KITLG: variants seen among roughly 807,000 people sequenced by gnomAD.
KITLG encodes KIT ligand.
KITLG carries 13 observed loss-of-function variants against 34.1 expected under a neutral mutation model. That is an observed-to-expected ratio of 0.38 (90% confidence interval 0.25 to 0.61). The LOEUF (loss-of-function observed/expected upper bound fraction) is 0.61, where lower values mean the gene tolerates loss of function less well. Ranked by LOEUF, KITLG falls within the 20% of genes least tolerant of loss-of-function variation. The probability of loss-of-function intolerance (pLI) is 0.60; values close to 1 mark genes in which losing one functional copy is unlikely to be tolerated. For missense variants in KITLG, 292 were observed against 318.9 expected (o/e 0.92, Z 0.64); for synonymous variants, 110 against 104.0 (o/e 1.06, Z -0.35).
At chr12:88,508,133 G>A (rs547280201) in intron 6 of KITLG, among the ~76,000 whole-genome samples, 4 of 151,914 alleles carry the variant, frequency 2.6e-5, no homozygotes, top group Admixed American at 2.6e-4. Flanking sequence ...GTCGTAATGA[G>A]CCGAGATCAT....
rs573831179 is a variant in KITLG at position 88,499,684 on chromosome 12, G to A, written c.*38-2503C>T. Among the ~76,000 whole-genome samples the A allele has an allele frequency of 1.6e-3, 246 of 152,144 alleles. 1 individual carries two copies. Among genetic ancestry groups the A allele is most frequent in the African/African-American group, 5.4e-3 (224 of 41,510 alleles). ...TTTTCCATTTCCTGTTAATGCCACC[G>A]CACTCTGGTAAGTCCCATAGTCTCC... is the stretch of plus-strand genomic sequence containing the variant. On this transcript the variant is annotated intron_variant, in intron 9 of 9. Coordinates refer to ENST00000644744, the MANE Select transcript of KITLG (RefSeq NM_000899.5).
chr12:88,536,005 A>G (rs1157338633), intron 2 of KITLG, among the ~76,000 whole-genome samples: 1 of 152,164 alleles, frequency 6.6e-6, no homozygotes, highest in Non-Finnish European at 1.5e-5. Context: ...ATAATTTATG[A>G]CTAAGTCCTC....
intron 2 of KITLG, among the ~76,000 whole-genome samples, chr12:88,543,768 C>T (rs961198634): frequency 1.9e-4 from 29 of 152,238 alleles, no homozygotes; most frequent in South Asian, 4.1e-4. Flanking sequence ...AGATAACATA[C>T]ATTAAAAAGT....
At chr12:88,502,769 G>A (rs1186843728) in intron 9 of KITLG, among the ~76,000 whole-genome samples, 1 of 152,152 alleles carries the variant, frequency 6.6e-6, no homozygotes, top group Non-Finnish European at 1.5e-5. Flanking sequence ...CAGGATCCCA[G>A]CAATGCAATC....
At chr12:88,509,649 TG>T (rs1383856423) in intron 6 of KITLG, among the ~76,000 whole-genome samples, 1 of 152,170 alleles carries the variant, frequency 6.6e-6, no homozygotes, top group Admixed American at 6.5e-5. Context: ...AGAGGAGGGT[TG>T]GGGGAAGCGC....
At chr12:88,564,567 G>C (rs550580350) in intron 1 of KITLG, among the ~76,000 whole-genome samples, 1 of 152,218 alleles carries the variant, frequency 6.6e-6, no homozygotes, top group East Asian at 1.9e-4. Context: ...CTACTTCATT[G>C]CTCACCATTT....
At chr12:88,535,114 CTGAGTA>C (rs1182818056) in intron 2 of KITLG, among the ~76,000 whole-genome samples, 32 of 152,008 alleles carry the variant, frequency 2.1e-4, no homozygotes, top group Admixed American at 2.1e-3. Flanking sequence ...AGTGTGGGAT[CTGAGTA>C]TATGTCTAAA....
At chr12:88,520,339 C>G (rs943791073) in intron 3 of KITLG, among the ~76,000 whole-genome samples, 2 of 152,196 alleles carry the variant, frequency 1.3e-5, no homozygotes, top group Non-Finnish European at 2.9e-5. Context: ...AAGTTTCTTT[C>G]CTTTTAGGGA....
chr12:88,539,783 G>T (rs571277657), intron 2 of KITLG, among the ~76,000 whole-genome samples: 5 of 151,928 alleles, frequency 3.3e-5, no homozygotes, highest in Admixed American at 6.6e-5. Context: ...AATTAGTCAG[G>T]TATGGTGGCA....
chr12:88,544,283 C>A (rs1014865212), intron 2 of KITLG, among the ~76,000 whole-genome samples: 2 of 152,150 alleles, frequency 1.3e-5, no homozygotes, highest in African/African-American at 4.8e-5. Context: ...TCAGATCCCG[C>A]TGACATATTA....
intron 2 of KITLG, among the ~76,000 whole-genome samples, chr12:88,540,415 G>A (rs1387652589): frequency 6.6e-6 from 1 of 152,112 alleles, no homozygotes; most frequent in Admixed American, 6.6e-5. Flanking sequence ...GCTAAAAATA[G>A]TTATCTTGTA....
At chr12:88,535,143 T>C (rs1407652555) in intron 2 of KITLG, among the ~76,000 whole-genome samples, 1 of 151,976 alleles carries the variant, frequency 6.6e-6, no homozygotes, top group Non-Finnish European at 1.5e-5. Context: ...GCAAAGAAAA[T>C]GTAAAGAGTA....
At chr12:88,538,597 A>C (rs1336196585) in intron 2 of KITLG, among the ~76,000 whole-genome samples, 1 of 152,102 alleles carries the variant, frequency 6.6e-6, no homozygotes, top group Non-Finnish European at 1.5e-5. Context: ...TTAGAAGACC[A>C]CTAGGAATTT....
chr12:88,509,638 G>A (rs1465770026), intron 6 of KITLG, among the ~76,000 whole-genome samples: 1 of 152,170 alleles, frequency 6.6e-6, no homozygotes, highest in Admixed American at 6.5e-5. Flanking sequence ...GGCGGCAGTG[G>A]AGAGGAGGGT....
intron 6 of KITLG, 116 bp from the exon 7 acceptor site, chr12:88,507,253 A>T: frequency 1.5e-6 from 1 of 669,160 alleles, no homozygotes; most frequent in Non-Finnish European, 2.7e-6. Flanking sequence ...TATCTGTTTA[A>T]AGTATTCAAA....
Position 88,494,460 on chromosome 12 carries a change from A to G in KITLG, c.*2759T>C, listed in dbSNP as rs1452520558. The G allele has an allele frequency of 6.6e-6, 1 of 152,382 alleles. No individual in the cohort carries two copies. Among genetic ancestry groups the G allele is most frequent in the Non-Finnish European group, 1.5e-5 (1 of 67,886 alleles). 9.4% of individuals were successfully genotyped at this position (152,382 alleles called of 1,614,324 possible). The stretch of plus-strand genomic sequence containing the variant: ...TACTAAAACCAATACTTCATTAGGT[A>G]TGCATATTTTTTCATAATTTTCTTT... On this transcript the variant is annotated 3_prime_UTR_variant, in exon 10 of 10. Transcript: ENST00000644744.
chr12:88,519,338 A>G (rs1056399530), intron 3 of KITLG, among the ~76,000 whole-genome samples: 3 of 152,084 alleles, frequency 2.0e-5, no homozygotes, highest in Non-Finnish European at 4.4e-5. Context: ...TATGATTTTA[A>G]TGTGTTATCT....
chr12:88,580,204 G>A, intron 1 of KITLG, 60 bp downstream of exon 1: 1 of 1,561,872 alleles, frequency 6.4e-7, no homozygotes, highest in Non-Finnish European at 8.7e-7. Flanking sequence ...CGGCTTCCCC[G>A]GGGCACCGGG....
chr12:88,504,878 C>G (rs150511143), intron 9 of KITLG, among the ~76,000 whole-genome samples: 4 of 150,002 alleles, frequency 2.7e-5, no homozygotes, highest in African/African-American at 4.9e-5. Context: ...GGACAGAAAA[C>G]CAAACACTGC....
Sources: gnomAD v4.1 joint callset for allele counts (sites outside exome capture counted in the v4.1 genomes callset) on GRCh38, gnomAD v4.1.1 for gene constraint, MANE v1.5 for transcripts, NCBI Gene and HGNC (gene_info 2026-07-23, HGNC 2026-07-21) for gene names.